COPS4: variants seen among roughly 807,000 people sequenced by gnomAD.
COPS4 encodes the protein COP9 signalosome complex subunit 4.
COPS4 carries 8 observed loss-of-function variants against 55.1 expected under a neutral mutation model. The ratio of observed to expected loss-of-function variants is 0.15; its 90% confidence interval spans 0.09 to 0.26. The LOEUF is 0.26. COPS4 is among the 10% of genes least tolerant of loss of function. The pLI, the probability that COPS4 is intolerant of heterozygous loss-of-function variation, is 1.00. For missense variants in COPS4, 248 were observed against 484.0 expected (o/e 0.51, Z 4.58); for synonymous variants, 185 against 165.7 (o/e 1.12, Z -0.90).
intron 9 of COPS4, among the ~76,000 whole-genome samples, chr4:83,071,325 C>A (rs1731424173): frequency 6.6e-6 from 1 of 152,150 alleles, no homozygotes; most frequent in Non-Finnish European, 1.5e-5. Flanking sequence ...TATAGCATTT[C>A]CCCTTCTGTG....
At chr4:83,067,968 G>A (rs181109495) in intron 8 of COPS4, among the ~76,000 whole-genome samples, 384 of 152,258 alleles carry the variant, frequency 2.5e-3, no homozygotes, top group Non-Finnish European at 4.6e-3. Flanking sequence ...ATGTCTTCAG[G>A]AGTTAGGTAG....
chr4:83,043,393 C>T (rs1382889995), intron 1 of COPS4, among the ~76,000 whole-genome samples: 2 of 151,658 alleles, frequency 1.3e-5, no homozygotes, highest in Non-Finnish European at 2.9e-5. Context: ...GTGGCACATG[C>T]CTGTAGTCCT....
rs891068906 is a variant in COPS4 at position 83,040,860 on chromosome 4, G to C, written c.75-4766G>C. ...AATACCTACCTTTACCACCCATTGT[G>C]ATCTTAAATGATGACTGTGGTACAT... On this transcript the variant is annotated intron_variant, in intron 1 of 9. Transcript: ENST00000264389. Among the ~76,000 whole-genome samples the C allele has an allele frequency of 2.1e-5, 3 of 145,498 alleles. No homozygotes were observed. The Admixed American group carries it at 2.1e-4, about 10-fold the overall frequency.
chr4:83,048,685 A>G (rs1192873051), intron 2 of COPS4, among the ~76,000 whole-genome samples: 2 of 152,156 alleles, frequency 1.3e-5, no homozygotes, highest in Admixed American at 6.6e-5. Flanking sequence ...TCTGTTGCCC[A>G]GGCTGGAGTA....
chr4:83,048,639 A>G (rs1159461881), intron 2 of COPS4, among the ~76,000 whole-genome samples: 5 of 152,004 alleles, frequency 3.3e-5, no homozygotes, highest in Admixed American at 3.3e-4. Flanking sequence ...TTTTTAATTA[A>G]TTAATGAATT....
At chr4:83,041,272 A>T (rs1267839026) in intron 1 of COPS4, among the ~76,000 whole-genome samples, 1 of 151,942 alleles carries the variant, frequency 6.6e-6, no homozygotes, top group East Asian at 1.9e-4. Flanking sequence ...CATGTTGGGC[A>T]GGCTGGTCTT....
intron 3 of COPS4, 121 bp downstream of exon 3, chr4:83,049,438 C>A: frequency 1.2e-6 from 1 of 824,710 alleles, no homozygotes; most frequent in Non-Finnish European, 1.8e-6. Flanking sequence ...AACAGTGTGC[C>A]AAACGACATT....
chr4:83,075,223 A>G (rs1373735721), intron 9 of COPS4, 74 bp from the exon 10 acceptor site: 1 of 1,392,574 alleles, frequency 7.2e-7, no homozygotes, highest in Non-Finnish European at 1.0e-6. Context: ...TGTAAAAAGT[A>G]TATATCTTTT....
intron 1 of COPS4, among the ~76,000 whole-genome samples, chr4:83,038,935 G>A (rs1163483135): frequency 7.2e-5 from 11 of 152,050 alleles, no homozygotes; most frequent in African/African-American, 2.2e-4. Flanking sequence ...GAGCCACCGC[G>A]CCTGGCCAGC....
intron 4 of COPS4, among the ~76,000 whole-genome samples, chr4:83,053,380 G>A (rs1453597999): frequency 6.6e-6 from 1 of 152,138 alleles, no homozygotes; most frequent in African/African-American, 2.4e-5. Context: ...ATGATGATAA[G>A]TTATTACAAT....
chr4:83,044,843 A>G (rs1400744233), intron 1 of COPS4, among the ~76,000 whole-genome samples: 1 of 152,234 alleles, frequency 6.6e-6, no homozygotes, highest in African/African-American at 2.4e-5. Flanking sequence ...TCGTTAAGAA[A>G]TAAAACATTA....
chr4:83,066,657 A>T, intron 8 of COPS4, 104 bp downstream of exon 8: 1 of 609,944 alleles, frequency 1.6e-6, no homozygotes, highest in South Asian at 2.1e-5. Context: ...ATTATCTTCC[A>T]ACAAAATAAA....
chr4:83,071,773 G>A (rs997749805), intron 9 of COPS4, among the ~76,000 whole-genome samples: 5 of 151,698 alleles, frequency 3.3e-5, no homozygotes, highest in South Asian at 2.1e-4. Context: ...GTGCAGTGGC[G>A]CAATCTCGGC....
At chr4:83,057,235 T>G in intron 5 of COPS4, 23 bp from the exon 6 acceptor site, 1 of 1,565,058 alleles carries the variant, frequency 6.4e-7, no homozygotes, top group Non-Finnish European at 8.7e-7. Flanking sequence ...TGTCCCCTAA[T>G]TGAAATATTT....
chr4:83,038,652 T>C (rs978333989), intron 1 of COPS4, among the ~76,000 whole-genome samples: 8 of 152,112 alleles, frequency 5.3e-5, no homozygotes, highest in Admixed American at 4.6e-4. Flanking sequence ...TTGTTTTGTT[T>C]TGTTTTGAGA....
At position 83,043,795 on chromosome 4, in the gene COPS4, G is replaced by A. The variant is rs144831323; in HGVS notation, c.75-1831G>A. On this transcript the variant is annotated intron_variant, in intron 1 of 9. Transcript: ENST00000264389. Reference sequence around the variant, plus strand: ...TATCTTTTAAGGACCCTCAAACTTAGCAATATTGAAAATATAATTTTCTAA... The same window carrying A: ...TATCTTTTAAGGACCCTCAAACTTAACAATATTGAAAATATAATTTTCTAA... Among the ~76,000 whole-genome samples the A allele has an allele frequency of 6.5e-3, 991 of 152,144 alleles. 3 individuals are homozygous for A. The highest frequency in any genetic ancestry group is 0.011 in the South Asian group (52 of 4,824).
intron 4 of COPS4, among the ~76,000 whole-genome samples, chr4:83,052,585 A>G (rs2126130231): frequency 6.6e-6 from 1 of 152,226 alleles, no homozygotes; most frequent in Middle Eastern, 3.4e-3. Flanking sequence ...GTACTCTTTC[A>G]TTGCATTGCT....
chr4:83,062,465 G>C (rs913045154), intron 6 of COPS4, among the ~76,000 whole-genome samples: 2 of 152,186 alleles, frequency 1.3e-5, no homozygotes, highest in Non-Finnish European at 2.9e-5. Context: ...TATGTGCAGG[G>C]TGGAAAAACA....
chr4:83,072,714 T>C (rs1306463196), intron 9 of COPS4, among the ~76,000 whole-genome samples: 4 of 152,244 alleles, frequency 2.6e-5, no homozygotes, highest in Non-Finnish European at 5.9e-5. Flanking sequence ...TCCTTTCTGA[T>C]TAAATTGTGA....
Sources: allele counts gnomAD v4.1 joint callset (sites outside exome capture counted in the v4.1 genomes callset), GRCh38; gene constraint gnomAD v4.1.1; transcripts MANE v1.5; gene names NCBI Gene and HGNC (gene_info 2026-07-23, HGNC 2026-07-21).